PRDM5: variants seen among roughly 807,000 people sequenced by gnomAD.
PRDM5 encodes the protein PR/SET domain 5.
In PRDM5, 56 loss-of-function variants were observed where a neutral mutation model predicts 81.2. That is an observed-to-expected ratio of 0.69 (90% CI 0.56 to 0.86). The LOEUF is 0.86. Ranked by LOEUF, PRDM5 falls within the 40% of genes least tolerant of loss-of-function variation. The pLI is 0.00. For missense variants in PRDM5, 697 were observed against 770.1 expected, an observed-to-expected ratio of 0.91 and a Z score of 1.12; for synonymous variants, 267 against 256.4, an observed-to-expected ratio of 1.04 and a Z score of -0.39.
At position 120,694,531 on chromosome 4, in the gene PRDM5, G is replaced by A. The variant is rs1052825192; in HGVS notation, c.*580C>T. On this transcript the variant is annotated 3_prime_UTR_variant, in exon 16 of 16. Transcript: ENST00000264808. ...ATTTTAAACTCATTTGTTGCACAGA[G>A]CTATTAGATAAGCTCAGCTCTTGGT... 3 of 153,794 alleles carry A rather than the reference G, an allele frequency of 2.0e-5. No homozygotes were observed. Among genetic ancestry groups the A allele is most frequent in the Non-Finnish European group, 2.9e-5 (2 of 69,182 alleles). The allele number at this position is 153,794 out of a possible 1,614,324, so 9.5% of individuals were successfully genotyped here.
intron 3 of PRDM5, among the ~76,000 whole-genome samples, chr4:120,841,462 G>A (rs1758024783): frequency 6.6e-6 from 1 of 152,072 alleles, no homozygotes; most frequent in African/African-American, 2.4e-5. Context: ...ACCTACATGT[G>A]GCTAATTCTA....
chr4:120,816,800 A>G (rs756495321), intron 6 of PRDM5, 32 bp downstream of exon 6: 41 of 1,581,780 alleles, frequency 2.6e-5, no homozygotes, highest in Admixed American at 1.8e-4. Context: ...CCACAATTAT[A>G]TAACAGCCAT....
At chr4:120,919,524 T>C (rs1380674544) in intron 1 of PRDM5, among the ~76,000 whole-genome samples, 1 of 152,096 alleles carries the variant, frequency 6.6e-6, no homozygotes, top group African/African-American at 2.4e-5. Context: ...CAGTTTCAGG[T>C]ACAATATCAA....
At chr4:120,854,976 GAGAA>G (rs1161943588) in intron 2 of PRDM5, among the ~76,000 whole-genome samples, 5 of 152,072 alleles carry the variant, frequency 3.3e-5, no homozygotes, top group Admixed American at 3.3e-4. Context: ...AGGAGCAACC[GAGAA>G]AGTGGTGGGC....
chr4:120,686,246 G>A (rs897281778), intron 1 of PRDM5, among the ~76,000 whole-genome samples: 1 of 151,984 alleles, frequency 6.6e-6, no homozygotes, highest in Non-Finnish European at 1.5e-5. Context: ...CCAGGCTCAG[G>A]TATTTATGAC....
intron 2 of PRDM5, chr4:120,885,567 G>C (rs533582049): frequency 2.0e-5 from 3 of 152,286 alleles, no homozygotes; most frequent in African/African-American, 7.2e-5. Context: ...GCCGAGGTGG[G>C]CAGATCATTT....
At chr4:120,750,443 A>G (rs1743814308) in intron 14 of PRDM5, among the ~76,000 whole-genome samples, 1 of 152,192 alleles carries the variant, frequency 6.6e-6, no homozygotes, top group South Asian at 2.1e-4. Context: ...CCAAAACCTG[A>G]TGGTGAGGAA....
At chr4:120,820,964 G>C (rs1405148397) in intron 4 of PRDM5, among the ~76,000 whole-genome samples, 1 of 152,208 alleles carries the variant, frequency 6.6e-6, no homozygotes, top group African/African-American at 2.4e-5. Flanking sequence ...CAGTCCTATA[G>C]GGTACATCCA....
chr4:120,872,347 C>T (rs1426996535), intron 2 of PRDM5, among the ~76,000 whole-genome samples: 6 of 151,690 alleles, frequency 4.0e-5, no homozygotes, highest in East Asian at 1.9e-4. Context: ...TATATACACA[C>T]GAGGGATTAC....
At chr4:120,740,875 C>A (rs893951481) in intron 14 of PRDM5, among the ~76,000 whole-genome samples, 6 of 152,210 alleles carry the variant, frequency 3.9e-5, no homozygotes, top group African/African-American at 1.4e-4. Flanking sequence ...ACCAACTGCT[C>A]AATCTCAGCC....
At chr4:120,826,977 G>A (rs940062668) in intron 3 of PRDM5, among the ~76,000 whole-genome samples, 10 of 152,070 alleles carry the variant, frequency 6.6e-5, no homozygotes, top group Non-Finnish European at 1.5e-4. Context: ...TCTCTTCTCT[G>A]TACACATAAA....
chr4:120,874,265 A>G lies in PRDM5; in HGVS notation c.178-20725T>C, dbSNP rs556980054. 3.9e-5 allele frequency among the ~76,000 whole-genome samples: 6 copies of G among 152,328 alleles called. No homozygotes were observed. In the South Asian group the frequency reaches 1.2e-3, roughly 32 times the overall value. Reference sequence around the variant, plus strand: ...CCAAGTAATCAAAATCAGGAACTCCAAAGTCCAGCAGCTTCTATTATTGAA... The same window carrying G: ...CCAAGTAATCAAAATCAGGAACTCCGAAGTCCAGCAGCTTCTATTATTGAA... On this transcript the variant is annotated intron_variant, in intron 2 of 15. Transcript: ENST00000264808.
intron 7 of PRDM5, among the ~76,000 whole-genome samples, 168 bp from the exon 8 acceptor site, chr4:120,811,617 T>G (rs2149324700): frequency 6.6e-6 from 1 of 152,230 alleles, no homozygotes; most frequent in East Asian, 1.9e-4. Context: ...ATTTTAAATC[T>G]TTTTAATTAT....
At chr4:120,787,841 T>A (rs1363574442) in intron 10 of PRDM5, among the ~76,000 whole-genome samples, 2 of 152,160 alleles carry the variant, frequency 1.3e-5, no homozygotes, top group African/African-American at 2.4e-5. Context: ...TACTTGAATA[T>A]TTCAAGTCTG....
intron 8 of PRDM5, among the ~76,000 whole-genome samples, chr4:120,801,904 C>G (rs1752166751): frequency 6.6e-6 from 1 of 151,956 alleles, no homozygotes; most frequent in Admixed American, 6.6e-5. Flanking sequence ...TAATGACAAA[C>G]AAGATACTCT....
At chr4:120,697,931 T>C (rs1429189650) in intron 15 of PRDM5, among the ~76,000 whole-genome samples, 1 of 147,650 alleles carries the variant, frequency 6.8e-6, no homozygotes, top group Non-Finnish European at 1.5e-5. Flanking sequence ...ATTATAACTA[T>C]CTGTATTAAT....
rs145070579 is a variant in PRDM5 at position 120,702,319 on chromosome 4, G to A, written c.1729-7044C>T. Among the ~76,000 whole-genome samples the A allele has an allele frequency of 1.9e-3, 290 of 152,226 alleles. 4 individuals are homozygous for A. The highest frequency in any genetic ancestry group is 0.01 in the Middle Eastern group (3 of 294). On this transcript the variant is annotated intron_variant, in intron 15 of 15. Coordinates refer to ENST00000264808, the MANE Select transcript of PRDM5 (RefSeq NM_018699.4). ...GCCAAACTAAACAGGCCTCCTCTAG[G>A]TTCTTGAAGAAACCATTGGGCTTCC...
intron 14 of PRDM5, among the ~76,000 whole-genome samples, chr4:120,716,253 C>T (rs1297438343): frequency 2.0e-5 from 3 of 152,272 alleles, no homozygotes; most frequent in Admixed American, 6.5e-5. Flanking sequence ...TTTTCTCCTT[C>T]ACAATATACT....
At chr4:120,809,202 T>C (rs1376045491) in intron 8 of PRDM5, among the ~76,000 whole-genome samples, 3 of 145,758 alleles carry the variant, frequency 2.1e-5, no homozygotes, top group Non-Finnish European at 4.5e-5. Flanking sequence ...ATGAGAACAC[T>C]TGGACACAGG....
Sources: gnomAD v4.1 joint callset for allele counts (sites outside exome capture counted in the v4.1 genomes callset) on GRCh38, gnomAD v4.1.1 for gene constraint, MANE v1.5 for transcripts, NCBI Gene and HGNC (gene_info 2026-07-23, HGNC 2026-07-21) for gene names.